The following FMNL3 variants were observed in gnomAD, a reference collection of about 807,000 sequenced individuals.
FMNL3 encodes formin like 3.
A neutral mutation model predicts 119.6 loss-of-function variants in FMNL3; 57 were observed. The ratio of observed to expected loss-of-function variants is 0.48; its 90% confidence interval spans 0.39 to 0.59. FMNL3 has a LOEUF of 0.59. FMNL3 is among the 20% of genes least tolerant of loss of function. The pLI is 0.00. For missense variants in FMNL3, 1,053 were observed against 1,323.5 expected (o/e 0.80, Z 3.17); for synonymous variants, 491 against 507.3 (o/e 0.97, Z 0.43).
chr12:49,707,375 A>G lies in FMNL3; in HGVS notation c.-195T>C, dbSNP rs1945079801. ...GGCGAGGGCGGAGGCAGCGTAGCGG[A>G]CAGCCGCACCGAAGCAAGGCGGACG... On this transcript the variant is annotated 5_prime_UTR_variant, in exon 1 of 26. Transcript: ENST00000335154. 7.0e-6 allele frequency: 3 copies of G among 429,736 alleles called. No individual in the cohort carries two copies. In the Admixed American group the frequency reaches 1.4e-4, roughly 19 times the overall value. The allele number at this position is 429,736 out of a possible 1,614,324, so 26.6% of individuals were successfully genotyped here.
Position 49,645,114 on chromosome 12 carries a change from A to AAC in FMNL3, c.*700_*701insGT, listed in dbSNP as rs1370517939. 6.6e-6 allele frequency: 1 copy of AAC among 151,446 alleles called. No individual in the cohort carries two copies. The highest frequency in any genetic ancestry group is 2.4e-5 in the African/African-American group (1 of 41,236). 9.4% of individuals were successfully genotyped at this position (151,446 alleles called of 1,614,324 possible). A position where few individuals can be genotyped will look rare whatever the true frequency, so the allele number is the denominator to read the frequency against. On this transcript the variant is annotated 3_prime_UTR_variant, in exon 26 of 26. Transcript: ENST00000335154. The stretch of plus-strand genomic sequence containing the variant: ...CTCCTTGTCCCCTGCCAAAAAAAAA[A>AAC]AAAAAAAAAAAAAAACCGTAGCTGA...
rs1321886861 is a variant in FMNL3 at position 49,638,187 on chromosome 12, G to A, written c.*7628C>T. The A allele has an allele frequency of 4.9e-6, 1 of 202,706 alleles. No individual in the cohort carries two copies. The highest frequency in any genetic ancestry group is 2.3e-5 in the African/African-American group (1 of 43,142). 12.6% of individuals were successfully genotyped at this position (202,706 alleles called of 1,614,324 possible). On this transcript the variant is annotated 3_prime_UTR_variant, in exon 26 of 26. Transcript: ENST00000335154. ...CAAGGGGGTGGAAAGGGCATGCCAGGTCTGAGGAGGAAGAAGCATAGCTAA... is the reference window on the plus strand; with the variant it reads ...CAAGGGGGTGGAAAGGGCATGCCAGATCTGAGGAGGAAGAAGCATAGCTAA...
chr12:49,651,566 G>A, intron 14 of FMNL3, 116 bp from the exon 15 acceptor site: 17 of 899,698 alleles, frequency 1.9e-5, no homozygotes, highest in Non-Finnish European at 2.6e-5. Flanking sequence ...AACTCTCAGA[G>A]AAGGAGCCTA....
In FMNL3 at chr12:49,647,015, G is replaced by C. The variant is rs751188697; in HGVS notation, c.2872-6C>G. The C allele has an allele frequency of 1.3e-6, 2 of 1,595,288 alleles. No individual in the cohort carries two copies. Among genetic ancestry groups the C allele is most frequent in the Admixed American group, 3.4e-5 (2 of 59,330 alleles). ...TTGTTCCGCTGGGATGGGGTCTAGGGCCAAGAATGTGGAGGGGAAGGAAGT... is the reference window on the plus strand; with the variant it reads ...TTGTTCCGCTGGGATGGGGTCTAGGCCCAAGAATGTGGAGGGGAAGGAAGT... On this transcript the variant is annotated splice_region_variant and splice_polypyrimidine_tract_variant and intron_variant, in intron 24 of 25. Transcript: ENST00000335154. This position sits in a 1 kb window ranked among gnomAD's most constrained non-coding sequence, Gnocchi z 4.9.
rs1215185450 is a variant in FMNL3 at position 49,643,732 on chromosome 12, A to G, written c.*2083T>C. On this transcript the variant is annotated 3_prime_UTR_variant, in exon 26 of 26. Coordinates refer to ENST00000335154, the MANE Select transcript of FMNL3 (RefSeq NM_175736.5). ...AGCCAAGAAACCAAAAAAGAAAACT[A>G]AGAAGAGAAGACACAAGTCGGTGAG... The G allele has an allele frequency of 5.0e-6, 8 of 1,613,996 alleles. No individual in the cohort carries two copies. Among genetic ancestry groups the G allele is most frequent in the African/African-American group, 4.0e-5 (3 of 74,920 alleles).
chr12:49,645,742 T>C lies in FMNL3; in HGVS notation c.*73A>G. 1.5e-6 allele frequency: 2 copies of C among 1,350,196 alleles called. No individual in the cohort carries two copies. The highest frequency in any genetic ancestry group is 1.0e-6 in the Non-Finnish European group (1 of 979,700). The allele number at this position is 1,350,196 out of a possible 1,614,324, so 83.6% of individuals were successfully genotyped here. A position where few individuals can be genotyped will look rare whatever the true frequency, so the allele number is the denominator to read the frequency against. On this transcript the variant is annotated 3_prime_UTR_variant, in exon 26 of 26. Coordinates refer to ENST00000335154, the MANE Select transcript of FMNL3 (RefSeq NM_175736.5). The stretch of plus-strand genomic sequence containing the variant: ...GCAACACAGCCCTCTCCTGAGCCCT[T>C]GGCCAATTCCAGGTCCACTGGTTGG...
intron 1 of FMNL3, among the ~76,000 whole-genome samples, chr12:49,693,138 G>A (rs1450582232): frequency 6.6e-6 from 1 of 152,164 alleles, no homozygotes; most frequent in East Asian, 1.9e-4. Flanking sequence ...AGCCATTAAA[G>A]GTTTTTAGGC....
Position 49,656,889 on chromosome 12 carries a change from T to C in FMNL3, c.725A>G (p.Asn242Ser), listed in dbSNP as rs780959316. 9.9e-6 allele frequency: 16 copies of C among 1,614,032 alleles called. No individual in the cohort carries two copies. In the Admixed American group the frequency reaches 2.0e-4, roughly 20 times the overall value. Residue 242 changes from asparagine to serine, a missense_variant, in exon 8 of 26, where the codon AAC (asparagine) becomes AGC (serine). By Grantham distance (46) the Asn-to-Ser change is conservative. Around this residue, in one of 4 missense-constraint regions of FMNL3, gnomAD observed 445 missense variants for 628.4 expected, o/e 0.71. Transcript: ENST00000335154. Reference protein sequence around the residue: ...RAIMNYQYGFNLVMSHPHAVN... With the variant: ...RAIMNYQYGFSLVMSHPHAVN... ...AGCATGGGGGTGGGACATGACCAGG[T>C]TGAATCCGTACTGCAAGGGAAAGGA...
At chr12:49,666,393 C>T (rs1295809884) in intron 2 of FMNL3, among the ~76,000 whole-genome samples, 186 bp from the exon 3 acceptor site, 3 of 152,198 alleles carry the variant, frequency 2.0e-5, no homozygotes. Flanking sequence ...GTGTTACCAC[C>T]TGTTGCCATC....
intron 1 of FMNL3, among the ~76,000 whole-genome samples, chr12:49,696,509 G>A (rs1212168941): frequency 6.6e-6 from 1 of 152,138 alleles, no homozygotes; most frequent in Admixed American, 6.5e-5. Context: ...ATACTGTTTT[G>A]TTTACAGAAT....
At position 49,649,775 on chromosome 12, in the gene FMNL3, G is replaced by T; in HGVS notation, c.2151C>A (p.Phe717Leu). Reference sequence around the variant, plus strand: ...GCTGGGTCAACCGTTCCACCTTGCTGAAGAGCAGCATGAAGCGGTCCTCAG... The same window carrying T: ...GCTGGGTCAACCGTTCCACCTTGCTTAAGAGCAGCATGAAGCGGTCCTCAG... ...LAAEDRFMLL[F>L]SKVERLTQRM... Residue 717 changes from phenylalanine to leucine, a missense_variant, in exon 18 of 26, where the codon TTC becomes TTA. Physicochemically the swap from Phe to Leu is conservative, Grantham distance 22 (BLOSUM62 0). Coordinates refer to ENST00000335154, the MANE Select transcript of FMNL3 (RefSeq NM_175736.5). This position sits in a 1 kb window ranked among gnomAD's most constrained non-coding sequence, Gnocchi z 5.6. 1 of 1,614,204 alleles carries T rather than the reference G, an allele frequency of 6.2e-7. No homozygotes were observed. The highest frequency in any genetic ancestry group is 8.5e-7 in the Non-Finnish European group (1 of 1,180,044).
chr12:49,661,936 C>T lies in FMNL3; in HGVS notation c.452+30G>A, dbSNP rs747479053. 13 of 1,604,332 alleles carry T rather than the reference C, an allele frequency of 8.1e-6. No individual in the cohort carries two copies. In the African/African-American group the frequency reaches 1.6e-4, roughly 20 times the overall value. On this transcript the variant is annotated intron_variant, in intron 5 of 25. Coordinates refer to ENST00000335154, the MANE Select transcript of FMNL3 (RefSeq NM_175736.5). ...GGAACTATGTCCTCCCCCAACTGGT[C>T]CCCAACTTCAGCCCCGGGGTGGTAC...
intron 1 of FMNL3, among the ~76,000 whole-genome samples, chr12:49,678,917 A>C (rs1401846173): frequency 6.6e-6 from 1 of 152,202 alleles, no homozygotes; most frequent in Non-Finnish European, 1.5e-5. Flanking sequence ...ATTTACTACA[A>C]AGGCATGAAA....
At chr12:49,682,305 C>T (rs1009304813) in intron 1 of FMNL3, among the ~76,000 whole-genome samples, 5 of 151,740 alleles carry the variant, frequency 3.3e-5, no homozygotes, top group South Asian at 2.1e-4. Flanking sequence ...CTCCTGACCT[C>T]GTGATCCACC....
In FMNL3 at chr12:49,701,896, CT is replaced by C. The variant is rs1172748135; in HGVS notation, c.126+5158del. On this transcript the variant is annotated intron_variant, in intron 1 of 25. Transcript: ENST00000335154. ...AGAGATTGTACCACTGCATTCCAGC[CT>C]GGGTGACAGAGTAAGACTGTCTCAA... Among the ~76,000 whole-genome samples, 8 of 152,240 alleles carry C rather than the reference CT, an allele frequency of 5.3e-5. No homozygotes were observed. The East Asian group carries it at 1.5e-3, about 29-fold the overall frequency.
In FMNL3 at chr12:49,649,641, G is replaced by C; in HGVS notation, c.2235+50C>G. 1.9e-6 allele frequency: 3 copies of C among 1,611,246 alleles called. No homozygotes were observed. The highest frequency in any genetic ancestry group is 2.5e-6 in the Non-Finnish European group (3 of 1,177,460). ...GGGCAGGGGAGGTGACTAGCAGATG[G>C]AGGGTGGAGGGACAGCTGTCCAGAG... On this transcript the variant is annotated intron_variant, in intron 18 of 25. Transcript: ENST00000335154. This position sits in a 1 kb window ranked among gnomAD's most constrained non-coding sequence, Gnocchi z 5.6.
chr12:49,642,523 T>C lies in FMNL3; in HGVS notation c.*3292A>G. The C allele has an allele frequency of 1.9e-6, 3 of 1,594,950 alleles. No homozygotes were observed. Among genetic ancestry groups the C allele is most frequent in the Non-Finnish European group, 2.6e-6 (3 of 1,163,398 alleles). On this transcript the variant is annotated 3_prime_UTR_variant, in exon 26 of 26. Transcript: ENST00000335154. This position sits in a 1 kb window ranked among gnomAD's most constrained non-coding sequence, Gnocchi z 5.8. ...CAGCCCTGCCCTGTGCTCATGGCGG[T>C]GTCCAGGCCAGGCTGAGTGGGGCCT... is the stretch of plus-strand genomic sequence containing the variant.
chr12:49,657,022 C>A, intron 7 of FMNL3, 60 bp downstream of exon 7: 1 of 1,570,570 alleles, frequency 6.4e-7, no homozygotes, highest in South Asian at 1.1e-5. Context: ...TCCTAGCTCT[C>A]CTGGTTTTGC....
At chr12:49,691,310 A>T (rs540518781) in intron 1 of FMNL3, among the ~76,000 whole-genome samples, 18 of 152,316 alleles carry the variant, frequency 1.2e-4, no homozygotes, top group African/African-American at 4.3e-4. Context: ...CCTTATTCCT[A>T]GAAGGCAAGA....
Sources: allele counts gnomAD v4.1 joint callset (sites outside exome capture counted in the v4.1 genomes callset), GRCh38; gene constraint gnomAD v4.1.1; regional missense constraint gnomAD v4.1.1; non-coding constraint Gnocchi (gnomAD v3.1); transcripts MANE v1.5; gene names NCBI Gene and HGNC (gene_info 2026-07-23, HGNC 2026-07-21).